Variants in FARS2 observed in about 807,000 individuals in gnomAD.
FARS2 encodes phenylalanyl-tRNA synthetase 2, mitochondrial.
A neutral mutation model predicts 46.4 loss-of-function variants in FARS2; 40 were observed. That is an observed-to-expected ratio of 0.86 (90% CI 0.67 to 1.12). The LOEUF is 1.12. Among genes scored for constraint, FARS2 ranks in the 50% most tolerant of loss-of-function variants. The probability of loss-of-function intolerance (pLI) is 0.00; values close to 1 mark genes in which losing one functional copy is unlikely to be tolerated. For missense variants in FARS2, 513 were observed against 567.9 expected, an observed-to-expected ratio of 0.90 and a Z score of 0.98; for synonymous variants, 234 against 214.9, an observed-to-expected ratio of 1.09 and a Z score of -0.78.
intron 1 of FARS2, among the ~76,000 whole-genome samples, chr6:5,358,176 T>C (rs1441600603): frequency 2.0e-5 from 3 of 152,190 alleles, no homozygotes; most frequent in African/African-American, 7.2e-5. Context: ...ATATGTGGTT[T>C]AGAGAGTTGA....
intron 2 of FARS2, among the ~76,000 whole-genome samples, chr6:5,379,666 G>A (rs945660246): frequency 2.0e-5 from 3 of 152,194 alleles, no homozygotes; most frequent in African/African-American, 7.2e-5. Context: ...TGTGGGGAAA[G>A]TTAATTTGGG....
chr6:5,476,109 T>C (rs970599102), intron 4 of FARS2, among the ~76,000 whole-genome samples: 12 of 152,122 alleles, frequency 7.9e-5, no homozygotes, highest in Admixed American at 4.6e-4. Flanking sequence ...GCCTCTTCCT[T>C]CCCTCCAAGT....
chr6:5,627,366 A>G (rs2150710619), intron 6 of FARS2, among the ~76,000 whole-genome samples: 1 of 152,278 alleles, frequency 6.6e-6, no homozygotes, highest in East Asian at 1.9e-4. Flanking sequence ...AGATGAAGAA[A>G]GAGGAAACTA....
intron 4 of FARS2, among the ~76,000 whole-genome samples, chr6:5,445,688 G>A (rs915046998): frequency 6.6e-6 from 1 of 152,110 alleles, no homozygotes. Flanking sequence ...CTCCAAGCTC[G>A]GAAGAAGTAG....
At chr6:5,516,087 A>G (rs1334381418) in intron 4 of FARS2, among the ~76,000 whole-genome samples, 3 of 152,278 alleles carry the variant, frequency 2.0e-5, no homozygotes, top group Non-Finnish European at 4.4e-5. Flanking sequence ...TGACCCCTCC[A>G]TGTGGTAACT....
Position 5,664,942 on chromosome 6 carries a change from A to G in FARS2, c.1217+51622A>G, listed in dbSNP as rs182702190. ...TGGTTTCCTGTATCCTTTCATATAC[A>G]GTGATGCTGAGGCATTTTTTCATTT... On this transcript the variant is annotated intron_variant, in intron 6 of 6. Coordinates refer to ENST00000274680, the MANE Select transcript of FARS2 (RefSeq NM_006567.5). The G allele has an allele frequency of 2.6e-5, 4 of 152,304 alleles. No individual in the cohort carries two copies. In the East Asian group the frequency reaches 5.8e-4, roughly 22 times the overall value. 9.4% of individuals were successfully genotyped at this position (152,304 alleles called of 1,614,324 possible).
chr6:5,615,667 G>A (rs1775430926), intron 6 of FARS2, among the ~76,000 whole-genome samples: 1 of 152,052 alleles, frequency 6.6e-6, no homozygotes, highest in Admixed American at 6.6e-5. Flanking sequence ...ATCTGTCAGT[G>A]GTGTGCATAT....
chr6:5,272,246 TGAGA>T (rs1051575690), intron 1 of FARS2, among the ~76,000 whole-genome samples: 3 of 152,186 alleles, frequency 2.0e-5, no homozygotes, highest in African/African-American at 7.2e-5. Flanking sequence ...TGAGGTACTT[TGAGA>T]GAGAGAAGAG....
chr6:5,386,806 G>T (rs527692018), intron 2 of FARS2, among the ~76,000 whole-genome samples: 2 of 152,254 alleles, frequency 1.3e-5, no homozygotes, highest in African/African-American at 4.8e-5. Context: ...GTTTAGGTTT[G>T]GGATTTGCAA....
intron 6 of FARS2, among the ~76,000 whole-genome samples, chr6:5,635,846 G>A (rs1252099630): frequency 6.6e-6 from 1 of 152,144 alleles, no homozygotes; most frequent in African/African-American, 2.4e-5. Context: ...GTGAGCTGCT[G>A]ATTTGATGAT....
intron 4 of FARS2, among the ~76,000 whole-genome samples, chr6:5,464,454 G>A (rs1765405808): frequency 1.3e-5 from 2 of 152,174 alleles, no homozygotes; most frequent in Non-Finnish European, 1.5e-5. Context: ...CTCACTATTG[G>A]GGATATGTTA....
chr6:5,689,200 C>T (rs1478776390), intron 6 of FARS2, among the ~76,000 whole-genome samples: 1 of 152,106 alleles, frequency 6.6e-6, no homozygotes, highest in Non-Finnish European at 1.5e-5. Context: ...TCTCTATTTC[C>T]TTGAGTTCTG....
chr6:5,440,610 C>T (rs1302865049), intron 4 of FARS2, among the ~76,000 whole-genome samples: 2 of 152,184 alleles, frequency 1.3e-5, no homozygotes, highest in East Asian at 3.8e-4. Flanking sequence ...TTTTCCACAC[C>T]CTTACCAATA....
At chr6:5,695,114 A>T (rs1449145424) in intron 6 of FARS2, 1 of 152,220 alleles carries the variant, frequency 6.6e-6, no homozygotes, top group African/African-American at 2.4e-5. Flanking sequence ...TTTCATTCTC[A>T]TGAAAGTTAA....
At chr6:5,526,507 A>T (rs1769472650) in intron 4 of FARS2, among the ~76,000 whole-genome samples, 1 of 152,248 alleles carries the variant, frequency 6.6e-6, no homozygotes, top group African/African-American at 2.4e-5. Context: ...AAAAAATTAT[A>T]ACAGTGTGAC....
intron 1 of FARS2, among the ~76,000 whole-genome samples, chr6:5,323,328 G>C (rs1770118665): frequency 6.6e-6 from 1 of 152,118 alleles, no homozygotes; most frequent in African/African-American, 2.4e-5. Context: ...AAGTGAGAGA[G>C]CTTTGTTGGA....
chr6:5,414,091 C>G (rs1762085575), intron 3 of FARS2, among the ~76,000 whole-genome samples: 1 of 152,190 alleles, frequency 6.6e-6, no homozygotes, highest in South Asian at 2.1e-4. Context: ...TCCTTTTCAG[C>G]TACAGTTTAT....
At chr6:5,494,823 G>A (rs1767352432) in intron 4 of FARS2, among the ~76,000 whole-genome samples, 1 of 152,096 alleles carries the variant, frequency 6.6e-6, no homozygotes, top group Non-Finnish European at 1.5e-5. Flanking sequence ...TTCCCCTAGA[G>A]CTAGTTCAAG....
chr6:5,292,043 C>A lies in FARS2; in HGVS notation c.-22+30383C>A, dbSNP rs184144565. 2.3e-4 allele frequency among the ~76,000 whole-genome samples: 35 copies of A among 152,016 alleles called. No individual in the cohort carries two copies. The East Asian group carries it at 3.7e-3, about 16-fold the overall frequency. On this transcript the variant is annotated intron_variant, in intron 1 of 6. Transcript: ENST00000274680. ...GGTTGGTTACCTAACCCAGACAGAT[C>A]GAGTCAGAGAAGGTTTTCTCGGAGT... is the stretch of plus-strand genomic sequence containing the variant.
Sources: gnomAD v4.1 joint callset for allele counts (sites outside exome capture counted in the v4.1 genomes callset) on GRCh38, gnomAD v4.1.1 for gene constraint, MANE v1.5 for transcripts, NCBI Gene and HGNC (gene_info 2026-07-23, HGNC 2026-07-21) for gene names.